Variants in SEMA3E observed in about 807,000 individuals in gnomAD.
SEMA3E encodes the protein semaphorin-3E.
SEMA3E carries 49 observed loss-of-function variants against 93.6 expected under a neutral mutation model. That is an observed-to-expected ratio of 0.52 (90% CI 0.42 to 0.66). The LOEUF (loss-of-function observed/expected upper bound fraction) is 0.66, where lower values mean the gene tolerates loss of function less well. SEMA3E is among the 30% of genes least tolerant of loss of function. The probability of loss-of-function intolerance (pLI) is 0.00; values close to 1 mark genes in which losing one functional copy is unlikely to be tolerated. For synonymous variants in SEMA3E, 363 were observed against 330.7 expected (o/e 1.10, Z -1.06); for missense variants, 906 against 964.8 (o/e 0.94, Z 0.81).
intron 11 of SEMA3E, among the ~76,000 whole-genome samples, chr7:83,397,497 GCA>G (rs1370777541): frequency 2.0e-5 from 3 of 151,958 alleles, no homozygotes; most frequent in African/African-American, 7.3e-5. Flanking sequence ...ATACATGCAA[GCA>G]CACACAGTTT....
Position 83,522,310 on chromosome 7 carries a change from G to T in SEMA3E, c.116-32036C>A, listed in dbSNP as rs531478606. On this transcript the variant is annotated intron_variant, in intron 1 of 16. Transcript: ENST00000643230. Reference sequence around the variant, plus strand: ...GGTTATCATCAGATTACTGTCATTAGCTAATGGAGCTATTTCATCAACACA... The same window carrying T: ...GGTTATCATCAGATTACTGTCATTATCTAATGGAGCTATTTCATCAACACA... Among the ~76,000 whole-genome samples, 4 of 152,082 alleles carry T rather than the reference G, an allele frequency of 2.6e-5. No individual in the cohort carries two copies. The East Asian group carries it at 5.8e-4, about 22-fold the overall frequency.
chr7:83,364,356 A>T lies in SEMA3E; in HGVS notation c.*3230T>A, dbSNP rs565841032. On this transcript the variant is annotated 3_prime_UTR_variant, in exon 17 of 17. Coordinates refer to ENST00000643230, the MANE Select transcript of SEMA3E (RefSeq NM_012431.3). ...AGCAAATATCGAACACTCATTACAA[A>T]CATTCTAAGTATTTAACTAATTTTA... The T allele has an allele frequency of 6.6e-6, 1 of 152,320 alleles. No individual in the cohort carries two copies. Among genetic ancestry groups the T allele is most frequent in the East Asian group, 1.9e-4 (1 of 5,184 alleles). 9.4% of individuals were successfully genotyped at this position (152,320 alleles called of 1,614,324 possible). A position where few individuals can be genotyped will look rare whatever the true frequency, so the allele number is the denominator to read the frequency against.
chr7:83,432,933 GA>G lies in SEMA3E; in HGVS notation c.457-14451del, dbSNP rs368982501. Among the ~76,000 whole-genome samples, 753 of 152,212 alleles carry G rather than the reference GA, an allele frequency of 4.9e-3. 7 individuals are homozygous for G. The highest frequency in any genetic ancestry group is 0.017 in the African/African-American group (709 of 41,544). On this transcript the variant is annotated intron_variant, in intron 4 of 16. Transcript: ENST00000643230. ...TATTGTAATTTTTCAAATCACCCAA[GA>G]AAACAATAATATATTTCAGCAGGGT...
At chr7:83,560,480 C>T (rs1406420434) in intron 1 of SEMA3E, among the ~76,000 whole-genome samples, 1 of 151,976 alleles carries the variant, frequency 6.6e-6, no homozygotes, top group Non-Finnish European at 1.5e-5. Context: ...TTATTCTTAT[C>T]CATAGAAATT....
rs545589845 is a variant in SEMA3E at position 83,393,174 on chromosome 7, C to T, written c.1501-453G>A. On this transcript the variant is annotated intron_variant, in intron 13 of 16. Transcript: ENST00000643230. ...ATTGCTACACTGAACTTGACAAGAA[C>T]TCAAGAAGCTGTGTTCATTATCTTG... Among the ~76,000 whole-genome samples, 5 of 151,976 alleles carry T rather than the reference C, an allele frequency of 3.3e-5. No homozygotes were observed. The South Asian group carries it at 8.3e-4, about 25-fold the overall frequency.
chr7:83,507,795 T>C (rs1562811892), intron 1 of SEMA3E, among the ~76,000 whole-genome samples: 1 of 150,588 alleles, frequency 6.6e-6, no homozygotes, highest in Non-Finnish European at 1.5e-5. Context: ...AAATAAAAAA[T>C]AAAAAAAATG....
chr7:83,535,150 T>G (rs966401256), intron 1 of SEMA3E, among the ~76,000 whole-genome samples: 6 of 152,196 alleles, frequency 3.9e-5, no homozygotes, highest in African/African-American at 1.4e-4. Context: ...CTGCTGGAAT[T>G]TTTAACTTCC....
At chr7:83,624,409 T>C (rs1793627185) in intron 1 of SEMA3E, among the ~76,000 whole-genome samples, 1 of 152,170 alleles carries the variant, frequency 6.6e-6, no homozygotes, top group Non-Finnish European at 1.5e-5. Context: ...TTTTTAATGA[T>C]CATCATTTTA....
intron 1 of SEMA3E, among the ~76,000 whole-genome samples, chr7:83,493,672 A>G (rs1451764848): frequency 6.6e-6 from 1 of 151,970 alleles, no homozygotes; most frequent in African/African-American, 2.4e-5. Context: ...CAAAACAGTG[A>G]CAACAATTGA....
chr7:83,448,020 T>C (rs955784100), intron 4 of SEMA3E, among the ~76,000 whole-genome samples: 1 of 152,214 alleles, frequency 6.6e-6, no homozygotes, highest in South Asian at 2.1e-4. Context: ...ATGTGGAATT[T>C]TGAAAGTTAA....
intron 1 of SEMA3E, among the ~76,000 whole-genome samples, chr7:83,500,976 T>C (rs910313640): frequency 6.6e-6 from 1 of 152,218 alleles, no homozygotes; most frequent in Non-Finnish European, 1.5e-5. Flanking sequence ...TATTTTTTAA[T>C]GTTAAGCATG....
intron 1 of SEMA3E, among the ~76,000 whole-genome samples, chr7:83,578,338 C>T (rs926862655): frequency 3.9e-4 from 59 of 152,104 alleles, no homozygotes; most frequent in Admixed American, 9.8e-4. Context: ...GGGTGGATCA[C>T]TTGATATCAG....
At chr7:83,379,880 C>T (rs759054974) in intron 16 of SEMA3E, among the ~76,000 whole-genome samples, 47 of 151,694 alleles carry the variant, frequency 3.1e-4, no homozygotes, top group Admixed American at 3.0e-3. Flanking sequence ...ATTTAAGTAC[C>T]GATTGGTGCT....
chr7:83,528,066 AC>A (rs1791199775), intron 1 of SEMA3E, among the ~76,000 whole-genome samples: 1 of 152,082 alleles, frequency 6.6e-6, no homozygotes, highest in Admixed American at 6.6e-5. Flanking sequence ...ATATATTCTT[AC>A]ATATAATTTT....
chr7:83,452,705 T>C (rs1452741407), intron 4 of SEMA3E, among the ~76,000 whole-genome samples: 3 of 152,200 alleles, frequency 2.0e-5, no homozygotes, highest in Non-Finnish European at 4.4e-5. Flanking sequence ...ATCATTTAAC[T>C]AGCTTTCACT....
At chr7:83,520,248 G>T (rs1860610) in intron 1 of SEMA3E, among the ~76,000 whole-genome samples, 126,445 of 152,038 alleles carry the variant, frequency 0.83, 53,020 homozygotes, top group South Asian at 0.95. Context: ...GAGTACAGTT[G>T]AAAAATTCCA....
chr7:83,418,323 T>C, intron 5 of SEMA3E, 67 bp downstream of exon 5: 2 of 1,091,342 alleles, frequency 1.8e-6, no homozygotes, highest in South Asian at 2.7e-5. Context: ...AGAATGTAAC[T>C]GAAGTTGAAA....
intron 1 of SEMA3E, among the ~76,000 whole-genome samples, chr7:83,596,705 T>A (rs1792881000): frequency 6.6e-6 from 1 of 152,066 alleles, no homozygotes; most frequent in African/African-American, 2.4e-5. Flanking sequence ...ATCATTCTAC[T>A]AGACATAGGA....
At chr7:83,488,382 AAC>A (rs1229087449) in intron 2 of SEMA3E, among the ~76,000 whole-genome samples, 1 of 152,086 alleles carries the variant, frequency 6.6e-6, no homozygotes, top group African/African-American at 2.4e-5. Flanking sequence ...AAGGTTTTAA[AAC>A]ACAGAGATTA....
Sources: allele counts gnomAD v4.1 joint callset (sites outside exome capture counted in the v4.1 genomes callset), GRCh38; gene constraint gnomAD v4.1.1; transcripts MANE v1.5; gene names NCBI Gene and HGNC (gene_info 2026-07-23, HGNC 2026-07-21).